The following GTPBP6 variants were observed in gnomAD, a reference collection of about 807,000 sequenced individuals.
The protein encoded by GTPBP6 is GTP binding protein 6.
Under a neutral mutation model 28.9 loss-of-function variants are expected in GTPBP6, and 33 were observed. The observed-to-expected ratio is 1.14, with a 90% CI of 0.87 to 1.53. GTPBP6 has a LOEUF of 1.53. Among genes scored for constraint, GTPBP6 ranks in the 40% most tolerant of loss-of-function variants. GTPBP6 has a pLI of 0.00. For missense variants in GTPBP6, 507 were observed against 408.3 expected (o/e 1.24, Z -2.08); for synonymous variants, 231 against 192.7 (o/e 1.20, Z -1.65).
At chrX:314,557 C>G (rs1288467962) in intron 4 of GTPBP6, among the ~76,000 whole-genome samples, 2 of 151,954 alleles carry the variant, frequency 1.3e-5, no homozygotes, top group Admixed American at 1.3e-4. Flanking sequence ...ACTGCAAGCT[C>G]CACCTCTGGG....
chrX:307,315 G>A, intron 9 of GTPBP6, 45 bp downstream of exon 9: 1 of 1,585,826 alleles, frequency 6.3e-7, no homozygotes, highest in South Asian at 1.1e-5. Context: ...CCAGAGACAG[G>A]CATCCAAAGC....
intron 2 of GTPBP6, among the ~76,000 whole-genome samples, chrX:316,413 A>ATG (rs2070441952): frequency 6.6e-6 from 1 of 152,030 alleles, no homozygotes; most frequent in Non-Finnish European, 1.5e-5. Context: ...GTCAGGCAGG[A>ATG]AAGCTGACCC....
intron 5 of GTPBP6, among the ~76,000 whole-genome samples, chrX:313,280 T>C (rs1300244313): frequency 2.6e-5 from 4 of 152,172 alleles, no homozygotes; most frequent in Non-Finnish European, 5.9e-5. Flanking sequence ...TCCCAGAACC[T>C]GGGAATGGGA....
Position 307,713 on chromosome X carries a change from AC to A in GTPBP6, c.1274+18del. Reference sequence around the variant, plus strand: ...GTGCAGGGGAAGGAGACGCTTGCGGACCCCAGGGCCGGACTCACCCGGGCAC... The same window carrying A: ...GTGCAGGGGAAGGAGACGCTTGCGGACCCAGGGCCGGACTCACCCGGGCAC... On this transcript the variant is annotated intron_variant, in intron 8 of 9. Transcript: ENST00000326153. 1 of 1,462,572 alleles carries A rather than the reference AC, an allele frequency of 6.8e-7. No individual in the cohort carries two copies. The highest frequency in any genetic ancestry group is 9.0e-7 in the Non-Finnish European group (1 of 1,105,544). 90.6% of individuals were successfully genotyped at this position (1,462,572 alleles called of 1,614,324 possible).
intron 4 of GTPBP6, among the ~76,000 whole-genome samples, 181 bp from the exon 5 acceptor site, chrX:314,398 G>A (rs1480072245): frequency 6.6e-6 from 1 of 152,162 alleles, no homozygotes; most frequent in Admixed American, 6.5e-5. Context: ...GGGCCGAGGG[G>A]ACCTGCCTAG....
intron 1 of GTPBP6, among the ~76,000 whole-genome samples, chrX:317,823 C>A (rs1259908452): frequency 6.8e-6 from 1 of 147,392 alleles, no homozygotes; most frequent in Non-Finnish European, 1.5e-5. Context: ...CCCGAAGCCC[C>A]GCCCACGCAC....
At chrX:314,269 G>T (rs377050717) in intron 4 of GTPBP6, 52 bp from the exon 5 acceptor site, 8 of 1,463,862 alleles carry the variant, frequency 5.5e-6, no homozygotes, top group Non-Finnish European at 7.7e-6. Flanking sequence ...TCTCCCTCCC[G>T]GCAGAGGTCG....
chrX:305,205 C>G lies in GTPBP6; in HGVS notation c.1428-8G>C. ...GCCTCCTTATACAGCCAGCTGGGCA[C>G]AGATGCGCGTTGTATGGAGACAAGC... On this transcript the variant is annotated splice_polypyrimidine_tract_variant and splice_region_variant and intron_variant, in intron 9 of 9. Coordinates refer to ENST00000326153, the Ensembl canonical transcript of GTPBP6. The G allele has an allele frequency of 6.2e-7, 1 of 1,608,498 alleles. No homozygotes were observed. Among genetic ancestry groups the G allele is most frequent in the Non-Finnish European group, 8.5e-7 (1 of 1,174,940 alleles).
intron 9 of GTPBP6, among the ~76,000 whole-genome samples, chrX:306,384 A>G (rs1480566709): frequency 6.7e-6 from 1 of 149,798 alleles, no homozygotes; most frequent in Admixed American, 6.6e-5. Flanking sequence ...TGTCAAGCAC[A>G]GATTAGGCAC....
intron 8 of GTPBP6, 41 bp downstream of exon 8, chrX:307,691 C>T (rs2070201022): frequency 6.9e-7 from 1 of 1,456,508 alleles, no homozygotes. Context: ...CCAGCGCGTG[C>T]AGGGGAAGGA....
chrX:308,666 C>T (rs373200305), intron 7 of GTPBP6, among the ~76,000 whole-genome samples: 7 of 150,826 alleles, frequency 4.6e-5, no homozygotes, highest in Non-Finnish European at 7.4e-5. Context: ...GGTGACAGAG[C>T]GAGACCCTGT....
In GTPBP6 at chrX:307,120, A is replaced by T. The variant is rs769544546; in HGVS notation, c.1427+240T>A. On this transcript the variant is annotated intron_variant, in intron 9 of 9. Coordinates refer to ENST00000326153, the Ensembl canonical transcript of GTPBP6. Reference sequence around the variant, plus strand: ...ATGTACATTTTGACTGTCAGCACAGATTAGGCACCTGTTGTATGCACAGTC... The same window carrying T: ...ATGTACATTTTGACTGTCAGCACAGTTTAGGCACCTGTTGTATGCACAGTC... Among the ~76,000 whole-genome samples the T allele has an allele frequency of 2.0e-5, 3 of 151,892 alleles. No homozygotes were observed. In the South Asian group the frequency reaches 6.2e-4, roughly 31 times the overall value.
intron 9 of GTPBP6, 76 bp downstream of exon 9, chrX:307,284 C>A (rs2070190600): frequency 6.4e-6 from 9 of 1,413,472 alleles, no homozygotes; most frequent in Non-Finnish European, 7.9e-6. Flanking sequence ...CTTGTGCACC[C>A]ACGAAGAGCC....
rs200501062 is a variant in GTPBP6 at position 311,530 on chromosome X, C to T, written c.1014G>A (p.Thr338=). ...ACAGGACGGTCATGCGTGAGGGCAGCGTGCCCGCGTGGGCCGTGACGTCCA... is the reference window on the plus strand; with the variant it reads ...ACAGGACGGTCATGCGTGAGGGCAGTGTGCCCGCGTGGGCCGTGACGTCCA... The change falls in exon 7 of 10, where the codon ACG becomes ACA. Residue 338 remains threonine (T), a synonymous_variant. Transcript: ENST00000326153. The T allele has an allele frequency of 2.6e-4, 412 of 1,612,056 alleles. 1 individual carries two copies. Among genetic ancestry groups the T allele is most frequent in the Admixed American group, 3.5e-4 (21 of 59,988 alleles).
intron 5 of GTPBP6, among the ~76,000 whole-genome samples, chrX:313,657 C>G (rs1377484790): frequency 1.3e-5 from 2 of 152,070 alleles, no homozygotes; most frequent in East Asian, 3.9e-4. Flanking sequence ...GACATGTGTC[C>G]TTGTAAGAGA....
At chrX:313,008 G>T (rs1200190443) in intron 5 of GTPBP6, 84 bp from the exon 6 acceptor site, 9 of 1,244,324 alleles carry the variant, frequency 7.2e-6, no homozygotes, top group Non-Finnish European at 1.0e-5. Context: ...GTCTGCGGGG[G>T]CCCGGGGCCT....
exon 5 of GTPBP6, chrX:314,179 C>T: frequency 1.9e-6 from 3 of 1,613,606 alleles, no homozygotes; most frequent in Non-Finnish European, 2.5e-6. Flanking sequence ...CGAGCCGACT[C>T]CTCGGTACAG....
chrX:307,766 C>A lies in GTPBP6; in HGVS notation c.1240G>T (p.Val414Leu), dbSNP rs747581549. The A allele has an allele frequency of 2.6e-6, 4 of 1,523,244 alleles. No homozygotes were observed. In the Admixed American group the frequency reaches 9.0e-5, roughly 34 times the overall value. The allele number at this position is 1,523,244 out of a possible 1,614,324, so 94.4% of individuals were successfully genotyped here. A position where few individuals can be genotyped will look rare whatever the true frequency, so the allele number is the denominator to read the frequency against. ...AGGTCCACCTTGTTGTGAACCTCCA[C>A]CATGGAGTCCAGGAGCGGGGCGGGC... Residue 414 changes from valine to leucine, a missense_variant, in exon 8 of 10, where the codon GTG becomes TTG. By Grantham distance (32) the Val-to-Leu change is conservative. Coordinates refer to ENST00000326153, the Ensembl canonical transcript of GTPBP6.
intron 7 of GTPBP6, among the ~76,000 whole-genome samples, chrX:309,777 A>T (rs1188776730): frequency 7.4e-6 from 1 of 135,774 alleles, no homozygotes; most frequent in Non-Finnish European, 1.5e-5. Context: ...GTGGCCCCCC[A>T]CAAAAGACCT....
Sources: allele counts gnomAD v4.1 joint callset (sites outside exome capture counted in the v4.1 genomes callset), GRCh38; gene constraint gnomAD v4.1.1; transcripts MANE v1.5; gene names NCBI Gene and HGNC (gene_info 2026-07-23, HGNC 2026-07-21).